KLHL38: variants seen among roughly 807,000 people sequenced by gnomAD.
KLHL38 encodes kelch-like protein 38.
KLHL38 carries 38 observed loss-of-function variants against 39.6 expected under a neutral mutation model. That is an observed-to-expected ratio of 0.96 (90% CI 0.74 to 1.26). The LOEUF is 1.26. Ranked by LOEUF, KLHL38 falls within the 50% of genes most tolerant of loss-of-function variation. The pLI, the probability that KLHL38 is intolerant of heterozygous loss-of-function variation, is 0.00. For missense variants in KLHL38, 803 were observed against 748.1 expected, an observed-to-expected ratio of 1.07 and a Z score of -0.86; for synonymous variants, 322 against 302.2, an observed-to-expected ratio of 1.07 and a Z score of -0.68.
intron 2 of KLHL38, among the ~76,000 whole-genome samples, chr8:123,648,010 G>A (rs542190179): frequency 1.3e-5 from 2 of 152,178 alleles, no homozygotes; most frequent in Non-Finnish European, 2.9e-5. Context: ...GAGCCCTGGA[G>A]GTGGAGGTTG....
chr8:123,649,167 A>G (rs755960455), intron 2 of KLHL38, among the ~76,000 whole-genome samples: 3 of 152,208 alleles, frequency 2.0e-5, no homozygotes, highest in African/African-American at 7.2e-5. Flanking sequence ...GCAGTTTTGC[A>G]ATGTGAAATA....
At chr8:123,650,309 A>T (rs1226811231) in intron 2 of KLHL38, among the ~76,000 whole-genome samples, 2 of 152,026 alleles carry the variant, frequency 1.3e-5, no homozygotes, top group East Asian at 1.9e-4. Flanking sequence ...CTGATGAGCT[A>T]AAAAAAATCG....
At chr8:123,648,285 C>A (rs748027774) in intron 2 of KLHL38, among the ~76,000 whole-genome samples, 15 of 152,120 alleles carry the variant, frequency 9.9e-5, no homozygotes, top group Admixed American at 2.0e-4. Context: ...TCTGACCAAG[C>A]CCAGAATCCA....
At position 123,645,548 on chromosome 8, in the gene KLHL38, G is replaced by A; in HGVS notation, c.*191C>T. The A allele has an allele frequency of 3.3e-6, 2 of 606,144 alleles. No individual in the cohort carries two copies. Among genetic ancestry groups the A allele is most frequent in the South Asian group, 4.1e-5 (2 of 48,896 alleles). 37.5% of individuals were successfully genotyped at this position (606,144 alleles called of 1,614,324 possible). Reference sequence around the variant, plus strand: ...GAGACAGATGGAGGTGGGGGAGAGAGATAAGGAGAGAGGCAGAGAAGGAGA... The same window carrying A: ...GAGACAGATGGAGGTGGGGGAGAGAAATAAGGAGAGAGGCAGAGAAGGAGA... On this transcript the variant is annotated 3_prime_UTR_variant, in exon 4 of 4. Transcript: ENST00000684634.
chr8:123,652,537 C>A lies in KLHL38; in HGVS notation c.390G>T (p.Gln130His). ...TACCCAGGCAGTTGCTGGGGGCCAA[C>A]TGGCTCTGCAAGTACGAGGAGCAGG... Reference protein sequence around the residue: ...FEACSSYLQSQLAPSNCLGMI... With the variant: ...FEACSSYLQSHLAPSNCLGMI... Residue 130 changes from glutamine (Q) to histidine (H), a missense_variant, in exon 2 of 4, where the codon CAG becomes CAT. Coordinates refer to ENST00000684634, the MANE Select transcript of KLHL38 (RefSeq NM_001081675.3). The A allele has an allele frequency of 6.2e-7, 1 of 1,614,228 alleles. No homozygotes were observed. Among genetic ancestry groups the A allele is most frequent in the Admixed American group, 1.7e-5 (1 of 60,030 alleles).
chr8:123,646,790 T>C, intron 3 of KLHL38, 119 bp downstream of exon 3: 1 of 628,922 alleles, frequency 1.6e-6, no homozygotes, highest in Non-Finnish European at 2.8e-6. Context: ...CTCTTCTGGT[T>C]GGTTGGATGT....
In KLHL38 at chr8:123,653,318, A is replaced by G. The variant is rs548535801; in HGVS notation, c.-2+268T>C. 6.6e-5 allele frequency among the ~76,000 whole-genome samples: 10 copies of G among 152,298 alleles called. No individual in the cohort carries two copies. The South Asian group carries it at 1.2e-3, about 19-fold the overall frequency. ...ATGAGCCTTTTTCCAGATCGATGGCATATCTGTTATTGAGTAACAGATGTC... is the reference window on the plus strand; with the variant it reads ...ATGAGCCTTTTTCCAGATCGATGGCGTATCTGTTATTGAGTAACAGATGTC... On this transcript the variant is annotated intron_variant, in intron 1 of 3. Coordinates refer to ENST00000684634, the MANE Select transcript of KLHL38 (RefSeq NM_001081675.3).
intron 3 of KLHL38, among the ~76,000 whole-genome samples, chr8:123,646,335 C>T (rs1818665518): frequency 6.6e-6 from 1 of 152,240 alleles, no homozygotes; most frequent in African/African-American, 2.4e-5. Context: ...CTCTCAAATG[C>T]CCACTCAAGA....
chr8:123,652,121 T>C lies in KLHL38; in HGVS notation c.806A>G (p.Asp269Gly). The change falls in exon 2 of 4, where the codon GAC becomes GGC. Residue 269 changes from aspartate (D) to glycine (G), a missense_variant. By Grantham distance (94) the Asp-to-Gly change is moderately conservative. Transcript: ENST00000684634. ...MFSLCGTTVP[D>G]CKLLLHVPPR... ...AGGGACATGCAACAGGAGTTTGCAG[T>C]CTGGGACGGTGGTGCCACACAAAGA... 1 of 1,614,158 alleles carries C rather than the reference T, an allele frequency of 6.2e-7. No homozygotes were observed. The highest frequency in any genetic ancestry group is 8.5e-7 in the Non-Finnish European group (1 of 1,180,028).
chr8:123,651,774 T>A lies in KLHL38; in HGVS notation c.1153A>T (p.Ile385Phe). 1 of 1,614,140 alleles carries A rather than the reference T, an allele frequency of 6.2e-7. No individual in the cohort carries two copies. Among genetic ancestry groups the A allele is most frequent in the Non-Finnish European group, 8.5e-7 (1 of 1,180,018 alleles). The change falls in exon 2 of 4, where the codon ATC becomes TTC. Residue 385 changes from isoleucine to phenylalanine, a missense_variant. By Grantham distance (21) the Ile-to-Phe change is conservative. Coordinates refer to ENST00000684634, the MANE Select transcript of KLHL38 (RefSeq NM_001081675.3). ...TCTCCAATCCCCCCGATGGAGAAGA[T>A]GAAGTTCTTATGGGCAGTGCTTCTG... Reference protein sequence around the residue: ...SHRSTAHKNFIFSIGGIGEGQ... With the variant: ...SHRSTAHKNFFFSIGGIGEGQ...
rs371021488 is a variant in KLHL38, at chr8:123,651,810, G to C, written c.1117C>G (p.Arg373Gly). ...TGGGCAGTGCTTCTGTGGGAGTAGCGGGCCACCAGCATGGGCTCCCCCAGC... is the reference window on the plus strand; with the variant it reads ...TGGGCAGTGCTTCTGTGGGAGTAGCCGGCCACCAGCATGGGCTCCCCCAGC... Reference protein sequence around the residue: ...WRLGEPMLVARYSHRSTAHKN... With the variant: ...WRLGEPMLVAGYSHRSTAHKN... Residue 373 changes from arginine to glycine, a missense_variant, in exon 2 of 4, where the codon CGC (arginine) becomes GGC (glycine). Arg to Gly is a moderately radical substitution (Grantham distance 125). Transcript: ENST00000684634. The C allele has an allele frequency of 8.1e-6, 13 of 1,614,098 alleles. No homozygotes were observed. The highest frequency in any genetic ancestry group is 1.1e-5 in the Non-Finnish European group (13 of 1,180,042).
intron 2 of KLHL38, among the ~76,000 whole-genome samples, chr8:123,649,706 G>A (rs1049382221): frequency 1.4e-4 from 21 of 152,146 alleles, no homozygotes; most frequent in African/African-American, 4.3e-4. Flanking sequence ...AAGGTTCCAG[G>A]ATTTTTCTAG....
rs1812641835 is a variant in KLHL38, at chr8:123,651,449, T to C, written c.1350+128A>G. The C allele has an allele frequency of 5.3e-6, 5 of 944,306 alleles. No homozygotes were observed. In the Admixed American group the frequency reaches 1.0e-4, roughly 19 times the overall value. 58.5% of individuals were successfully genotyped at this position (944,306 alleles called of 1,614,324 possible). ...GTGTTTGTGTATATGTGTGCATATA[T>C]ATATTTATGTGCATATATGTGTTTT... On this transcript the variant is annotated intron_variant, in intron 2 of 3. Coordinates refer to ENST00000684634, the MANE Select transcript of KLHL38 (RefSeq NM_001081675.3).
chr8:123,653,040 C>T, intron 1 of KLHL38, 113 bp from the exon 2 acceptor site: 1 of 1,083,742 alleles, frequency 9.2e-7, no homozygotes, highest in Non-Finnish European at 1.3e-6. Context: ...TATTCCATTC[C>T]CCATGATGTT....
In KLHL38 at chr8:123,645,449, AAGAGAGAGAG is replaced by A. The variant is rs374414250; in HGVS notation, c.*280_*289del. ...GAAACTCCATCTCAAAAAAAAGAAA[AAGAGAGAGAG>A]AGAGAGAGAGAGAGAGAGAGACAGA... is the stretch of plus-strand genomic sequence containing the variant. On this transcript the variant is annotated 3_prime_UTR_variant, in exon 4 of 4. Transcript: ENST00000684634. 455 of 325,340 alleles carry A rather than the reference AAGAGAGAGAG, an allele frequency of 1.4e-3. 2 individuals carry two copies. Among genetic ancestry groups the A allele is most frequent in the African/African-American group, 8.1e-3 (325 of 40,192 alleles). 20.2% of individuals were successfully genotyped at this position (325,340 alleles called of 1,614,324 possible).
intron 2 of KLHL38, among the ~76,000 whole-genome samples, chr8:123,648,578 TCTC>T (rs1437123565): frequency 6.6e-6 from 1 of 152,166 alleles, no homozygotes; most frequent in African/African-American, 2.4e-5. Context: ...GCCTTTCTGT[TCTC>T]CTTCAGCTTT....
intron 3 of KLHL38, among the ~76,000 whole-genome samples, chr8:123,646,422 G>A (rs1407601148): frequency 1.3e-5 from 2 of 152,140 alleles, no homozygotes; most frequent in South Asian, 2.1e-4. Flanking sequence ...TAGGATCCTC[G>A]TTTTATGGAT....
At position 123,652,372 on chromosome 8, in the gene KLHL38, TC is replaced by T. The variant is rs1812669113; in HGVS notation, c.554del (p.Gly185GlufsTer174). ...CCTCCTCCCCACAGAGCCCATCATC[TC>T]CGAGATAGTCCCTCAACTCCAAGGC... ...LCALELRDYL[G>X]DDGLCGEEEK... On this transcript the variant is annotated frameshift_variant, in exon 2 of 4. Transcript: ENST00000684634. LOFTEE classifies it high-confidence loss of function. 2 of 1,613,964 alleles carry T rather than the reference TC, an allele frequency of 1.2e-6. No homozygotes were observed. The highest frequency in any genetic ancestry group is 1.6e-4 in the Middle Eastern group (1 of 6,062).
At position 123,652,875 on chromosome 8, in the gene KLHL38, A is replaced by G. The variant is rs568036101; in HGVS notation, c.52T>C (p.Ser18Pro). ...CTGTTGAGCTGCCTCAACAAGTCAG[A>G]AGAGAAGTCGTGGTCTTTGAAGAGC... ...GLLFKDHDFS[S>P]DLLRQLNSLR... is the part of the protein sequence containing the mutation. Residue 18 changes from serine to proline, a missense_variant, in exon 2 of 4, where the codon TCT (serine) becomes CCT (proline). Transcript: ENST00000684634. The G allele has an allele frequency of 3.7e-6, 6 of 1,604,568 alleles. No individual in the cohort carries two copies. Among genetic ancestry groups the G allele is most frequent in the Non-Finnish European group, 5.1e-6 (6 of 1,179,944 alleles).
Sources: gnomAD v4.1 joint callset for allele counts (sites outside exome capture counted in the v4.1 genomes callset) on GRCh38, gnomAD v4.1.1 for gene constraint, MANE v1.5 for transcripts, NCBI Gene and HGNC (gene_info 2026-07-23, HGNC 2026-07-21) for gene names.